The following USP42 variants were observed in gnomAD, a reference collection of about 807,000 sequenced individuals.
The protein encoded by USP42 is ubiquitin carboxyl-terminal hydrolase 42.
In USP42, 23 loss-of-function variants were observed where a neutral mutation model predicts 113.0. The ratio of observed to expected loss-of-function variants is 0.20; its 90% CI spans 0.15 to 0.29. USP42 has a LOEUF of 0.29. Ranked by LOEUF, USP42 falls within the 10% of genes least tolerant of loss-of-function variation. USP42 has a pLI of 1.00. For synonymous variants in USP42, 933 were observed against 699.0 expected (o/e 1.33, Z -5.28); for missense variants, 2,174 against 1,779.8 (o/e 1.22, Z -3.99).
At chr7:6,128,854 T>A (rs201617083) in intron 3 of USP42, among the ~76,000 whole-genome samples, 1 of 146,934 alleles carries the variant, frequency 6.8e-6, no homozygotes, top group Non-Finnish European at 1.5e-5. Flanking sequence ...ACAGGGTCTC[T>A]CTGTCACCTA....
intron 2 of USP42, 49 bp from the exon 3 acceptor site, chr7:6,115,274 T>C: frequency 6.3e-7 from 1 of 1,578,368 alleles, no homozygotes. Context: ...TTTATTTAGC[T>C]TCAGTATGCA....
At chr7:6,092,580 A>G in the USP42 span, among the ~76,000 whole-genome samples, 1 of 151,310 alleles carries the variant, frequency 6.6e-6, no homozygotes, top group Non-Finnish European at 1.5e-5. Flanking sequence ...TCCTCATTTG[A>G]GGCATCATGA....
In USP42 at chr7:6,154,958, A is replaced by G. The variant is rs1159162561; in HGVS notation, c.3404A>G (p.Asp1135Gly). 25 of 1,557,820 alleles carry G rather than the reference A, an allele frequency of 1.6e-5. No homozygotes were observed. The highest frequency in any genetic ancestry group is 4.8e-5 in the East Asian group (2 of 41,492). ...LAPHPDRFSHDRTALVAGDNC... is the reference protein window; with the variant it reads ...LAPHPDRFSHGRTALVAGDNC... ...CCGCACCCCGACCGCTTCTCCCACG[A>G]CAGAACTGCACTTGTAGCCGGAGAC... The change falls in exon 15 of 18, where the codon GAC becomes GGC. Residue 1135 changes from aspartate (D) to glycine (G), a missense_variant. Physicochemically the swap from Asp to Gly is moderately conservative, Grantham distance 94 (BLOSUM62 -1). Transcript: ENST00000306177.
intron 3 of USP42, among the ~76,000 whole-genome samples, chr7:6,127,170 C>G (rs902406726): frequency 2.0e-5 from 3 of 152,166 alleles, no homozygotes; most frequent in African/African-American, 7.2e-5. Flanking sequence ...CATTTTCTAT[C>G]ATGTTCTTTG....
chr7:6,115,416 G>T lies in USP42; in HGVS notation c.335G>T (p.Gly112Val). 6.2e-7 allele frequency: 1 copy of T among 1,614,046 alleles called. No homozygotes were observed. The highest frequency in any genetic ancestry group is 8.5e-7 in the Non-Finnish European group (1 of 1,179,894). ...KWQQTHRVGA[G>V]LQNLGNTCFA... is the part of the protein sequence containing the mutation. ...CAACAAACTCATAGAGTTGGAGCTG[G>T]GCTCCAGAATTTGGGCAATACCTGT... Residue 112 changes from glycine (G) to valine (V), a missense_variant, in exon 3 of 18, where the codon GGG becomes GTG. Transcript: ENST00000306177.
rs555941287 is a variant in USP42, at chr7:6,138,871, G to C, written c.554-221G>C. On this transcript the variant is annotated intron_variant, in intron 4 of 17. Coordinates refer to ENST00000306177, the MANE Select transcript of USP42 (RefSeq NM_032172.3). Reference sequence around the variant, plus strand: ...CTGGTCTGTGGAAAAATGGTCTTCCGTGAAACCAGTCCCTGGTGCCCAAAC... The same window carrying C: ...CTGGTCTGTGGAAAAATGGTCTTCCCTGAAACCAGTCCCTGGTGCCCAAAC... Among the ~76,000 whole-genome samples the C allele has an allele frequency of 3.3e-5, 5 of 152,126 alleles. No individual in the cohort carries two copies. The South Asian group carries it at 1.0e-3, about 32-fold the overall frequency.
intron 3 of USP42, among the ~76,000 whole-genome samples, chr7:6,135,239 A>T (rs1054591670): frequency 6.6e-6 from 1 of 152,196 alleles, no homozygotes; most frequent in Non-Finnish European, 1.5e-5. Flanking sequence ...TTTGAATCCA[A>T]TTATGTGTCT....
chr7:6,155,343 G>A (rs1292059161), intron 15 of USP42, 148 bp downstream of exon 15: 3 of 1,360,738 alleles, frequency 2.2e-6, no homozygotes, highest in Non-Finnish European at 1.9e-6. Flanking sequence ...TGGGTTTTGA[G>A]AGTTCACTAT....
intron 3 of USP42, among the ~76,000 whole-genome samples, chr7:6,132,660 T>G (rs1320664102): frequency 6.6e-6 from 1 of 151,260 alleles, no homozygotes; most frequent in Non-Finnish European, 1.5e-5. Context: ...AGCCAGCCTA[T>G]GTAATGTTTT....
chr7:6,156,928 A>G lies in USP42; in HGVS notation c.3816A>G (p.Arg1272=). ...TGGAGACTGTCGCCCAGTTCCGGAG[A>G]GCCCAGGGTGGCTTTCCTCTCTCTG... is the stretch of plus-strand genomic sequence containing the variant. ...TSLETVAQFR[R]AQGGFPLSGG... The change falls in exon 16 of 18, where the codon AGA becomes AGG. Residue 1272 remains arginine, a synonymous_variant. Coordinates refer to ENST00000306177, the MANE Select transcript of USP42 (RefSeq NM_032172.3). The G allele has an allele frequency of 6.2e-7, 1 of 1,613,864 alleles. No homozygotes were observed. The highest frequency in any genetic ancestry group is 8.5e-7 in the Non-Finnish European group (1 of 1,179,854).
chr7:6,116,018 C>T lies in USP42; in HGVS notation c.442+495C>T, dbSNP rs367710102. 4.0e-3 allele frequency among the ~76,000 whole-genome samples: 601 copies of T among 151,574 alleles called. 2 individuals are homozygous for T. Among genetic ancestry groups the T allele is most frequent in the African/African-American group, 0.014 (576 of 41,280 alleles). ...ACTCAGGAGGGTGAGACAGGAAGGT[C>T]ACCTGAGTCTGGAAGGTTGAGACTG... On this transcript the variant is annotated intron_variant, in intron 3 of 17. Coordinates refer to ENST00000306177, the MANE Select transcript of USP42 (RefSeq NM_032172.3).
At chr7:6,117,635 A>G (rs1779986480) in intron 3 of USP42, among the ~76,000 whole-genome samples, 1 of 152,090 alleles carries the variant, frequency 6.6e-6, no homozygotes, top group African/African-American at 2.4e-5. Flanking sequence ...TCCAGAAGGG[A>G]TTGCAGTGTT....
Position 6,140,130 on chromosome 7 carries a change from T to C in USP42, c.659T>C (p.Leu220Ser), listed in dbSNP as rs767243418. 1 of 1,613,960 alleles carries C rather than the reference T, an allele frequency of 6.2e-7. No homozygotes were observed. Among genetic ancestry groups the C allele is most frequent in the South Asian group, 1.1e-5 (1 of 91,088 alleles). ...TGTCACTGTTCAACGTTTTTCAGAT[T>C]AGACAGACACACCCAGGCCACCACT... is the stretch of plus-strand genomic sequence containing the variant. ...QKACLNGSNK[L>S]DRHTQATTLV... Residue 220 changes from leucine (L) to serine (S), a missense_variant and splice_region_variant, in exon 6 of 18, where the codon TTA becomes TCA. Leu to Ser is a moderately radical substitution (Grantham distance 145). Coordinates refer to ENST00000306177, the MANE Select transcript of USP42 (RefSeq NM_032172.3).
At chr7:6,129,757 A>G (rs1184647344) in intron 3 of USP42, among the ~76,000 whole-genome samples, 1 of 151,092 alleles carries the variant, frequency 6.6e-6, no homozygotes, top group African/African-American at 2.4e-5. Flanking sequence ...GCTACTTGGG[A>G]GGCTGAGGCA....
intron 10 of USP42, 92 bp downstream of exon 10, chr7:6,145,748 C>T (rs1452274322): frequency 5.7e-6 from 8 of 1,401,614 alleles, no homozygotes; most frequent in Admixed American, 2.1e-5. Flanking sequence ...GGAACTTTTA[C>T]AGTTAAAATG....
intron 3 of USP42, among the ~76,000 whole-genome samples, chr7:6,131,134 A>C (rs900713453): frequency 8.5e-5 from 13 of 152,102 alleles, no homozygotes; most frequent in African/African-American, 3.1e-4. Context: ...GCCCTTTGCT[A>C]CCTCTAAGAA....
chr7:6,091,680 T>TACATACACAC, the USP42 span, among the ~76,000 whole-genome samples: 1 of 136,078 alleles, frequency 7.3e-6, no homozygotes. Context: ...TATGTTAGCA[T>TACATACACAC]ACACACACAC....
intron 9 of USP42, among the ~76,000 whole-genome samples, 157 bp from the exon 10 acceptor site, chr7:6,145,359 C>CTAGGTTTTTTAAATGCAT (rs1341890681): frequency 6.6e-6 from 1 of 151,724 alleles, no homozygotes; most frequent in Non-Finnish European, 1.5e-5. Flanking sequence ...GCTAAATGCA[C>CTAGGTTTTTTAAATGCAT]TAGGTTTTTT....
At chr7:6,100,542 C>CT (rs572102752), upstream of USP42, among the ~76,000 whole-genome samples, 378 of 150,796 alleles carry the variant, frequency 2.5e-3, 2 homozygotes, top group Middle Eastern at 0.01. Flanking sequence ...GTTGGCCAGG[C>CT]TTGTCTCGAA....
Sources: allele counts gnomAD v4.1 joint callset (sites outside exome capture counted in the v4.1 genomes callset), GRCh38; gene constraint gnomAD v4.1.1; transcripts MANE v1.5; gene names NCBI Gene and HGNC (gene_info 2026-07-23, HGNC 2026-07-21).